SRL: variants seen among roughly 807,000 people sequenced by gnomAD.
The protein encoded by SRL is sarcalumenin.
In SRL, 23 loss-of-function variants were observed where a neutral mutation model predicts 39.5. The ratio of observed to expected loss-of-function variants is 0.58; its 90% CI spans 0.42 to 0.82. SRL has a LOEUF of 0.82. Among genes scored for constraint, SRL ranks in the 40% least tolerant of loss-of-function variants. The pLI is 0.00. For missense variants in SRL, 592 were observed against 607.8 expected (o/e 0.97, Z 0.27); for synonymous variants, 272 against 237.4 (o/e 1.15, Z -1.34).
chr16:4,193,645 A>G (rs1161663078), intron 5 of SRL, among the ~76,000 whole-genome samples: 1 of 152,208 alleles, frequency 6.6e-6, no homozygotes. Flanking sequence ...ACTGATATAA[A>G]GATTACCATG....
chr16:4,220,851 C>T (rs914982743), intron 1 of SRL, among the ~76,000 whole-genome samples: 15 of 151,232 alleles, frequency 9.9e-5, no homozygotes, highest in Non-Finnish European at 2.2e-4. Flanking sequence ...CTGGGCCTCG[C>T]GGTATGCTCC....
chr16:4,235,940 G>GC (rs1238378065), intron 1 of SRL, among the ~76,000 whole-genome samples: 1 of 151,836 alleles, frequency 6.6e-6, no homozygotes, highest in African/African-American at 2.4e-5. Flanking sequence ...TGCAAAATTA[G>GC]CCGGGCATAG....
intron 1 of SRL, among the ~76,000 whole-genome samples, chr16:4,212,547 C>G (rs1270915953): frequency 1.3e-5 from 2 of 152,234 alleles, no homozygotes; most frequent in African/African-American, 2.4e-5. Context: ...ACCCAGGACA[C>G]CCTGGAGAGG....
chr16:4,209,524 C>T lies in SRL; in HGVS notation c.62-4890G>A, dbSNP rs535743538. On this transcript the variant is annotated intron_variant, in intron 1 of 5. Coordinates refer to ENST00000399609, the MANE Select transcript of SRL (RefSeq NM_001098814.2). ...CTCTCAGGCCACCACTTGCTACTCCCATCTCTCCCTCCCACAAAGAAAAGC... is the reference window on the plus strand; with the variant it reads ...CTCTCAGGCCACCACTTGCTACTCCTATCTCTCCCTCCCACAAAGAAAAGC... Among the ~76,000 whole-genome samples, 8 of 152,302 alleles carry T rather than the reference C, an allele frequency of 5.3e-5. No homozygotes were observed. In the East Asian group the frequency reaches 1.5e-3, roughly 29 times the overall value.
At chr16:4,240,535 G>A (rs1227720377) in intron 1 of SRL, among the ~76,000 whole-genome samples, 5 of 152,156 alleles carry the variant, frequency 3.3e-5, no homozygotes, top group Non-Finnish European at 1.5e-5. Context: ...GCAGACGCAC[G>A]CTGTGGGACC....
intron 1 of SRL, among the ~76,000 whole-genome samples, chr16:4,211,157 A>G (rs1289630988): frequency 6.9e-6 from 1 of 143,888 alleles, no homozygotes; most frequent in Non-Finnish European, 1.6e-5. Flanking sequence ...CACCAGCATC[A>G]TGATTAAAAA....
chr16:4,197,845 T>C lies in SRL; in HGVS notation c.330A>G (p.Ile110Met), dbSNP rs564990065. The C allele has an allele frequency of 9.8e-5, 158 of 1,614,134 alleles. No individual in the cohort carries two copies. In the South Asian group the frequency reaches 1.7e-3, roughly 17 times the overall value. Residue 110 changes from isoleucine to methionine, a missense_variant, in exon 4 of 6, where the codon ATA (isoleucine) becomes ATG (methionine). Transcript: ENST00000399609. ...GPWSVGKSTM[I>M]NYLLGLENTR... ...TATTTTCCAGCCCAAGGAGGTAGTTTATCATGGTAGATTTACCAACACTCC... is the reference window on the plus strand; with the variant it reads ...TATTTTCCAGCCCAAGGAGGTAGTTCATCATGGTAGATTTACCAACACTCC...
chr16:4,203,328 G>A lies in SRL; in HGVS notation c.164-67C>T, dbSNP rs1170153045. ...CGATCCAGGCAGCTCCTCCATTGTGGAGGGGCCTCACCACCCAGGGCAGCT... is the reference window on the plus strand; with the variant it reads ...CGATCCAGGCAGCTCCTCCATTGTGAAGGGGCCTCACCACCCAGGGCAGCT... On this transcript the variant is annotated intron_variant, in intron 2 of 5. Coordinates refer to ENST00000399609, the MANE Select transcript of SRL (RefSeq NM_001098814.2). The A allele has an allele frequency of 2.2e-6, 3 of 1,382,464 alleles. No homozygotes were observed. The African/African-American group carries it at 4.3e-5, about 20-fold the overall frequency. The allele number at this position is 1,382,464 out of a possible 1,614,324, so 85.6% of individuals were successfully genotyped here.
chr16:4,222,817 G>A (rs916994427), intron 1 of SRL, among the ~76,000 whole-genome samples: 3 of 152,202 alleles, frequency 2.0e-5, no homozygotes, highest in African/African-American at 7.2e-5. Context: ...TTCCTGGCGA[G>A]ATGCGGTGGC....
Position 4,190,168 on chromosome 16 carries a change from CG to C in SRL, c.*1984del. Reference sequence around the variant, plus strand: ...AGGCCCTCCACAAAGCCAAACGCAACGGCCCCTGTGACAGCATGCACCAGAG... The same window carrying C: ...AGGCCCTCCACAAAGCCAAACGCAACGCCCCTGTGACAGCATGCACCAGAG... On this transcript the variant is annotated 3_prime_UTR_variant, in exon 6 of 6. Coordinates refer to ENST00000399609, the MANE Select transcript of SRL (RefSeq NM_001098814.2). 2.5e-6 allele frequency: 1 copy of C among 397,832 alleles called. No individual in the cohort carries two copies. 24.6% of individuals were successfully genotyped at this position (397,832 alleles called of 1,614,324 possible).
chr16:4,197,565 G>A (rs901164216), intron 4 of SRL, among the ~76,000 whole-genome samples: 1 of 151,440 alleles, frequency 6.6e-6, no homozygotes, highest in African/African-American at 2.4e-5. Flanking sequence ...GGGATTACAG[G>A]AACGTGTCAC....
chr16:4,204,698 G>A (rs62039297), intron 1 of SRL, 64 bp from the exon 2 acceptor site: 341,256 of 1,463,648 alleles, frequency 0.23, 40,864 homozygotes, highest in Non-Finnish European at 0.24. Context: ...TCTGGGCCCC[G>A]GCACAGCAGA....
intron 5 of SRL, among the ~76,000 whole-genome samples, chr16:4,193,404 G>T (rs1204342555): frequency 6.6e-6 from 1 of 152,238 alleles, no homozygotes; most frequent in East Asian, 1.9e-4. Context: ...AATGGAGATT[G>T]TCCTATTGTC....
chr16:4,210,854 C>G (rs1567181169), intron 1 of SRL, among the ~76,000 whole-genome samples: 1 of 152,168 alleles, frequency 6.6e-6, no homozygotes, highest in Non-Finnish European at 1.5e-5. Context: ...TGTCACACAG[C>G]TAATAACTGG....
chr16:4,217,482 G>C (rs1355202249), intron 1 of SRL, among the ~76,000 whole-genome samples: 1 of 152,120 alleles, frequency 6.6e-6, no homozygotes, highest in Non-Finnish European at 1.5e-5. Flanking sequence ...AAACTTCTGG[G>C]CTCAAGCGAT....
rs114869553 is a variant in SRL, at chr16:4,221,843, G to C, written c.62-17209C>G. The stretch of plus-strand genomic sequence containing the variant: ...CTTCTGGTGTTTGCCAGCAACTCTT[G>C]GCTTGTGGCTGCGTCACTCCAGTCT... On this transcript the variant is annotated intron_variant, in intron 1 of 5. Coordinates refer to ENST00000399609, the MANE Select transcript of SRL (RefSeq NM_001098814.2). 5.9e-3 allele frequency among the ~76,000 whole-genome samples: 903 copies of C among 152,216 alleles called. 7 individuals are homozygous for C. Among genetic ancestry groups the C allele is most frequent in the African/African-American group, 0.021 (871 of 41,524 alleles).
intron 4 of SRL, among the ~76,000 whole-genome samples, chr16:4,197,065 T>TCTTTTC (rs1457329111): frequency 1.4e-5 from 1 of 70,604 alleles, no homozygotes; most frequent in African/African-American, 7.0e-5. Context: ...ATTTTCTTTT[T>TCTTTTC]TTTTTTTTTT....
intron 1 of SRL, among the ~76,000 whole-genome samples, chr16:4,205,624 G>A (rs1357444348): frequency 1.3e-5 from 2 of 152,188 alleles, no homozygotes; most frequent in Non-Finnish European, 2.9e-5. Context: ...AGCCCCAGAC[G>A]AGCCTTATTT....
chr16:4,241,955 G>C, intron 1 of SRL, 52 bp downstream of exon 1: 1 of 1,605,070 alleles, frequency 6.2e-7, no homozygotes, highest in Non-Finnish European at 8.5e-7. Context: ...GAAAACCTTG[G>C]AGGAAGCGTG....
Sources: allele counts gnomAD v4.1 joint callset (sites outside exome capture counted in the v4.1 genomes callset), GRCh38; gene constraint gnomAD v4.1.1; transcripts MANE v1.5; gene names NCBI Gene and HGNC (gene_info 2026-07-23, HGNC 2026-07-21).